Variants in SFXN5 observed in about 807,000 individuals in gnomAD.
SFXN5 encodes the protein sideroflexin-5.
A neutral mutation model predicts 50.2 loss-of-function variants in SFXN5; 43 were observed. That is an observed-to-expected ratio of 0.86 (90% CI 0.67 to 1.11). The LOEUF is 1.11. Ranked by LOEUF, SFXN5 falls within the 50% of genes least tolerant of loss-of-function variation. The pLI is 0.00. For synonymous variants in SFXN5, 203 were observed against 185.8 expected (o/e 1.09, Z -0.75); for missense variants, 463 against 454.1 (o/e 1.02, Z -0.18).
At position 72,961,440 on chromosome 2, in the gene SFXN5, C is replaced by T. The variant is rs1020648052; in HGVS notation, c.828-192G>A. Among the ~76,000 whole-genome samples, 3 of 152,194 alleles carry T rather than the reference C, an allele frequency of 2.0e-5. No individual in the cohort carries two copies. The highest frequency in any genetic ancestry group is 7.2e-5 in the African/African-American group (3 of 41,442). Reference sequence around the variant, plus strand: ...TTCCCGATAGGTACCCCTATCCCAGCGGGTATAGACCCCTATCCCAATGTC... The same window carrying T: ...TTCCCGATAGGTACCCCTATCCCAGTGGGTATAGACCCCTATCCCAATGTC... On this transcript the variant is annotated intron_variant, in intron 12 of 13. Coordinates refer to ENST00000272433, the MANE Select transcript of SFXN5 (RefSeq NM_144579.3). The surrounding 1 kb of genome is among the most constrained non-coding windows in gnomAD (Gnocchi z 4.4).
chr2:73,011,791 G>C (rs1675536398), intron 6 of SFXN5, among the ~76,000 whole-genome samples: 2 of 152,194 alleles, frequency 1.3e-5, no homozygotes, highest in African/African-American at 4.8e-5. Context: ...AAAGCATGGA[G>C]AAATATAGTC....
chr2:72,964,086 A>G (rs1169274874), intron 12 of SFXN5, among the ~76,000 whole-genome samples: 1 of 152,232 alleles, frequency 6.6e-6, no homozygotes, highest in Non-Finnish European at 1.5e-5. Context: ...TAGGAAGCCC[A>G]GGGACCTTGG....
chr2:72,985,859 C>A (rs1363557542), intron 10 of SFXN5, among the ~76,000 whole-genome samples: 1 of 152,162 alleles, frequency 6.6e-6, no homozygotes, highest in Non-Finnish European at 1.5e-5. Context: ...AGACCCAAAG[C>A]AGGGACTCTC....
chr2:73,027,271 C>T (rs1677696407), intron 3 of SFXN5, among the ~76,000 whole-genome samples: 3 of 152,068 alleles, frequency 2.0e-5, no homozygotes, highest in Admixed American at 2.0e-4. Context: ...TTGTGTCTTA[C>T]TTTTTAACAA....
intron 5 of SFXN5, chr2:73,020,615 C>T (rs887348230): frequency 4.1e-5 from 10 of 246,776 alleles, no homozygotes; most frequent in Non-Finnish European, 5.4e-5. Flanking sequence ...ACCCTGCCCA[C>T]GCTCACTACA....
In SFXN5 at chr2:73,001,564, G is replaced by A; in HGVS notation, c.372C>T (p.Leu124=). 6.2e-7 allele frequency: 1 copy of A among 1,614,186 alleles called. No individual in the cohort carries two copies. The highest frequency in any genetic ancestry group is 8.5e-7 in the Non-Finnish European group (1 of 1,180,030). The part of the protein sequence containing the change: ...PFGTPIVVGL[L]LPNQTLASTV... The stretch of plus-strand genomic sequence containing the variant: ...TGGATGCCAGTGTCTGGTTGGGCAA[G>A]AGAAGACCGACTACCTATGAGCAAG... Residue 124 remains leucine (L), a synonymous_variant, in exon 7 of 14, where the codon CTC becomes CTT. Coordinates refer to ENST00000272433, the MANE Select transcript of SFXN5 (RefSeq NM_144579.3).
At chr2:73,000,320 C>T in intron 8 of SFXN5, 111 bp downstream of exon 8, 1 of 1,016,638 alleles carries the variant, frequency 9.8e-7, no homozygotes, top group Non-Finnish European at 1.5e-6. Flanking sequence ...TAGAGGAGGG[C>T]CATGCTTAAC....
chr2:73,037,999 A>G (rs1023595543), intron 3 of SFXN5, among the ~76,000 whole-genome samples: 2 of 152,228 alleles, frequency 1.3e-5, no homozygotes. Flanking sequence ...AAATCTTCAG[A>G]TTGCAAGGAG....
intron 12 of SFXN5, among the ~76,000 whole-genome samples, chr2:72,962,925 C>T (rs927513955): frequency 4.6e-5 from 7 of 152,182 alleles, no homozygotes; most frequent in Non-Finnish European, 7.3e-5. Flanking sequence ...GCCCAAACCC[C>T]TCTGATCCTC....
intron 1 of SFXN5, among the ~76,000 whole-genome samples, chr2:73,060,214 C>A (rs1390948758): frequency 6.6e-6 from 1 of 152,016 alleles, no homozygotes; most frequent in Non-Finnish European, 1.5e-5. Flanking sequence ...GAAACTGGTA[C>A]ATTTTGTTGC....
intron 11 of SFXN5, among the ~76,000 whole-genome samples, 175 bp from the exon 12 acceptor site, chr2:72,968,708 TTTCC>T (rs10565763): frequency 0.63 from 94,887 of 151,036 alleles, 30,234 homozygotes; most frequent in East Asian, 0.76. Flanking sequence ...TGGTCTCCTT[TTTCC>T]TTCCTTCCTT....
At chr2:72,956,794 T>A (rs1673137392) in intron 13 of SFXN5, among the ~76,000 whole-genome samples, 1 of 152,106 alleles carries the variant, frequency 6.6e-6, no homozygotes. Flanking sequence ...TCCTTCCCCA[T>A]CATTGCCCTC....
At chr2:72,966,546 C>T (rs1438255732) in intron 12 of SFXN5, among the ~76,000 whole-genome samples, 1 of 152,184 alleles carries the variant, frequency 6.6e-6, no homozygotes, top group Non-Finnish European at 1.5e-5. Flanking sequence ...CTCACCATGC[C>T]ATGCCCATGC....
chr2:73,060,170 G>A (rs567224180), intron 1 of SFXN5, among the ~76,000 whole-genome samples: 52 of 152,164 alleles, frequency 3.4e-4, no homozygotes, highest in Admixed American at 1.1e-3. Flanking sequence ...GGAAAGGAGC[G>A]GATTCAAAGG....
intron 13 of SFXN5, among the ~76,000 whole-genome samples, chr2:72,947,767 C>A (rs1276920166): frequency 2.0e-5 from 3 of 152,076 alleles, no homozygotes; most frequent in African/African-American, 7.2e-5. Context: ...GAGAGCCAGG[C>A]TGAGGGCCCA....
chr2:73,055,502 T>C (rs1025327821), intron 2 of SFXN5, among the ~76,000 whole-genome samples: 1 of 152,172 alleles, frequency 6.6e-6, no homozygotes, highest in Non-Finnish European at 1.5e-5. Context: ...TAGTACTTAA[T>C]AAATATTTGA....
At position 72,945,273 on chromosome 2, in the gene SFXN5, C is replaced by A. The variant is rs1671810738; in HGVS notation, c.946-174G>T. ...AGTGACACATCTTCCTTCTCCACCG[C>A]CCTCCCGCCGCGGGGCTCACAGCAT... On this transcript the variant is annotated intron_variant, in intron 13 of 13. Transcript: ENST00000272433. The surrounding 1 kb of genome is among the most constrained non-coding windows in gnomAD (Gnocchi z 5.8). Among the ~76,000 whole-genome samples, 1 of 152,142 alleles carries A rather than the reference C, an allele frequency of 6.6e-6. No individual in the cohort carries two copies. Among genetic ancestry groups the A allele is most frequent in the South Asian group, 2.1e-4 (1 of 4,838 alleles).
Position 72,964,263 on chromosome 2 carries a change from G to A in SFXN5, c.828-3015C>T, listed in dbSNP as rs1468243306. On this transcript the variant is annotated intron_variant, in intron 12 of 13. Coordinates refer to ENST00000272433, the MANE Select transcript of SFXN5 (RefSeq NM_144579.3). Reference sequence around the variant, plus strand: ...AGTGTTCTTTTGTCTTTTTTCCTTGGCTGTCCTGACTCCCTCACCCAACAG... The same window carrying A: ...AGTGTTCTTTTGTCTTTTTTCCTTGACTGTCCTGACTCCCTCACCCAACAG... 2.0e-5 allele frequency among the ~76,000 whole-genome samples: 3 copies of A among 152,272 alleles called. No individual in the cohort carries two copies. The East Asian group carries it at 5.8e-4, about 29-fold the overall frequency.
intron 2 of SFXN5, among the ~76,000 whole-genome samples, chr2:73,046,711 T>A (rs1407025698): frequency 6.6e-6 from 1 of 152,144 alleles, no homozygotes; most frequent in East Asian, 1.9e-4. Context: ...GTATGTTCAG[T>A]GTCATAATTG....
Sources: allele counts gnomAD v4.1 joint callset (sites outside exome capture counted in the v4.1 genomes callset), GRCh38; gene constraint gnomAD v4.1.1; non-coding constraint Gnocchi (gnomAD v3.1); transcripts MANE v1.5; gene names NCBI Gene and HGNC (gene_info 2026-07-23, HGNC 2026-07-21).